The following PPARGC1A variants were observed in gnomAD, a reference collection of about 807,000 sequenced individuals.
PPARGC1A encodes peroxisome proliferator-activated receptor gamma coactivator 1-alpha.
In PPARGC1A, 25 loss-of-function variants were observed where a neutral mutation model predicts 88.7. That is an observed-to-expected ratio of 0.28 (90% CI 0.21 to 0.39). The LOEUF (loss-of-function observed/expected upper bound fraction) is 0.39, where lower values mean the gene tolerates loss of function less well. Among genes scored for constraint, PPARGC1A ranks in the 10% least tolerant of loss-of-function variants. The pLI is 1.00. For synonymous variants in PPARGC1A, 363 were observed against 355.6 expected (o/e 1.02, Z -0.24); for missense variants, 880 against 968.7 (o/e 0.91, Z 1.22).
chr4:24,357,868 A>G, the PPARGC1A span, among the ~76,000 whole-genome samples: 9 of 152,146 alleles, frequency 5.9e-5, no homozygotes, highest in African/African-American at 2.4e-5. Flanking sequence ...AAGCCTCTCC[A>G]ACCACATGGA....
the PPARGC1A span, among the ~76,000 whole-genome samples, chr4:24,147,755 C>G: frequency 6.6e-6 from 1 of 152,082 alleles, no homozygotes; most frequent in African/African-American, 2.4e-5. Flanking sequence ...AATGAATGAG[C>G]AGAAGGAAAT....
chr4:24,080,861 A>T, the PPARGC1A span, among the ~76,000 whole-genome samples: 1 of 152,100 alleles, frequency 6.6e-6, no homozygotes, highest in Non-Finnish European at 1.5e-5. Flanking sequence ...CTTGCCACAT[A>T]TTAGTATTTC....
chr4:24,431,617 G>A, the PPARGC1A span, among the ~76,000 whole-genome samples: 1 of 152,216 alleles, frequency 6.6e-6, no homozygotes, highest in East Asian at 1.9e-4. Context: ...ACCGTCGAAT[G>A]TGCTGGAAGA....
chr4:24,467,054 GA>G, the PPARGC1A span, among the ~76,000 whole-genome samples: 1 of 120,326 alleles, frequency 8.3e-6, no homozygotes, highest in East Asian at 2.8e-4. Flanking sequence ...GAGAGAAAAA[GA>G]AAGAAAGAGA....
At chr4:24,009,254 G>A in the PPARGC1A span, among the ~76,000 whole-genome samples, 2 of 151,578 alleles carry the variant, frequency 1.3e-5, no homozygotes, top group South Asian at 2.1e-4. Context: ...CCTTCTGTGC[G>A]ATCTTACGTT....
At chr4:24,345,118 C>T in the PPARGC1A span, among the ~76,000 whole-genome samples, 6 of 152,016 alleles carry the variant, frequency 3.9e-5, no homozygotes, top group African/African-American at 1.5e-4. Flanking sequence ...GTCTATGTGC[C>T]TATTTTTATA....
At chr4:23,802,035 A>C (rs996021262) in intron 11 of PPARGC1A, among the ~76,000 whole-genome samples, 154 bp from the exon 12 acceptor site, 2 of 152,164 alleles carry the variant, frequency 1.3e-5, no homozygotes, top group Admixed American at 6.5e-5. Context: ...CTAAATACTT[A>C]TTTCTGGGAC....
At chr4:24,013,846 C>G in the PPARGC1A span, among the ~76,000 whole-genome samples, 1 of 152,138 alleles carries the variant, frequency 6.6e-6, no homozygotes, top group East Asian at 1.9e-4. Context: ...AATTAATTAC[C>G]CCCAAATAAG....
intron 2 of PPARGC1A, chr4:23,882,847 A>C (rs958425651): frequency 6.6e-6 from 1 of 152,130 alleles, no homozygotes; most frequent in South Asian, 2.1e-4. Flanking sequence ...ACAACACAAA[A>C]TATAGGGACA....
At chr4:24,150,253 A>G in the PPARGC1A span, among the ~76,000 whole-genome samples, 1 of 152,206 alleles carries the variant, frequency 6.6e-6, no homozygotes, top group Non-Finnish European at 1.5e-5. Flanking sequence ...GAAGGTCAGT[A>G]GAGACCAACT....
the PPARGC1A span, among the ~76,000 whole-genome samples, chr4:24,467,732 T>G: frequency 1.3e-5 from 2 of 151,924 alleles, no homozygotes; most frequent in East Asian, 3.9e-4. Flanking sequence ...GATTCTGCAC[T>G]GAAACTTCTA....
chr4:24,427,290 T>A, the PPARGC1A span, among the ~76,000 whole-genome samples: 1 of 151,772 alleles, frequency 6.6e-6, no homozygotes, highest in African/African-American at 2.4e-5. Flanking sequence ...TTATTTTTTT[T>A]TTTTTTTTGA....
In PPARGC1A at chr4:23,813,084, G is replaced by A. The variant is rs3736265; in HGVS notation, c.1835C>T (p.Thr612Met). Residue 612 changes from threonine (T) to methionine (M), a missense_variant, in exon 9 of 13, where the codon ACG becomes ATG. By Grantham distance (81) the Thr-to-Met change is moderately conservative. Transcript: ENST00000264867. Reference protein sequence around the residue: ...YYESSHYRHRTHRNSPLYVRS... With the variant: ...YYESSHYRHRMHRNSPLYVRS... Reference sequence around the variant, plus strand: ...CACATACAAGGGAGAATTTCGGTGCGTGCGGTGTCTGTAGTGGCTTGACTC... The same window carrying A: ...CACATACAAGGGAGAATTTCGGTGCATGCGGTGTCTGTAGTGGCTTGACTC... The A allele has an allele frequency of 0.066, 105,916 of 1,613,862 alleles. 4,479 individuals carry two copies. The highest frequency in any genetic ancestry group is 0.19 in the East Asian group (8,628 of 44,850).
rs1004362694 is a variant in PPARGC1A, at chr4:23,841,725, G to A, written c.235-9974C>T. 6.6e-5 allele frequency among the ~76,000 whole-genome samples: 10 copies of A among 152,124 alleles called. No homozygotes were observed. In the South Asian group the frequency reaches 1.7e-3, roughly 25 times the overall value. On this transcript the variant is annotated intron_variant, in intron 2 of 12. Transcript: ENST00000264867. ...AACAAAACAAAGCACAAAATAATCA[G>A]TTGCTGTGATTGATGATAAGAACCT...
At chr4:24,326,509 C>A in the PPARGC1A span, among the ~76,000 whole-genome samples, 1 of 152,058 alleles carries the variant, frequency 6.6e-6, no homozygotes, top group African/African-American at 2.4e-5. Context: ...AGCCTCTCTT[C>A]GCTTTCACTT....
chr4:24,440,462 A>G, the PPARGC1A span, among the ~76,000 whole-genome samples: 1 of 152,034 alleles, frequency 6.6e-6, no homozygotes, highest in African/African-American at 2.4e-5. Flanking sequence ...TTGGAAACTG[A>G]CACATGCCTC....
At chr4:24,464,866 C>G in the PPARGC1A span, among the ~76,000 whole-genome samples, 27 of 152,194 alleles carry the variant, frequency 1.8e-4, no homozygotes, top group Admixed American at 1.7e-3. Context: ...GTATGAAGAC[C>G]CCAGCGTAAC....
chr4:24,029,859 T>C, the PPARGC1A span, among the ~76,000 whole-genome samples: 1 of 152,180 alleles, frequency 6.6e-6, no homozygotes, highest in Non-Finnish European at 1.5e-5. Context: ...ACCATTTGAC[T>C]GAAAACCTGA....
chr4:24,302,192 A>G, the PPARGC1A span, among the ~76,000 whole-genome samples: 8 of 152,196 alleles, frequency 5.3e-5, no homozygotes, highest in African/African-American at 1.7e-4. Flanking sequence ...ATAATAATTG[A>G]TGGTTATGTT....
Sources: gnomAD v4.1 joint callset for allele counts (sites outside exome capture counted in the v4.1 genomes callset) on GRCh38, gnomAD v4.1.1 for gene constraint, MANE v1.5 for transcripts, NCBI Gene and HGNC (gene_info 2026-07-23, HGNC 2026-07-21) for gene names.